KIFC3: variants seen among roughly 807,000 people sequenced by gnomAD.
The protein encoded by KIFC3 is kinesin-like protein KIFC3.
In KIFC3, 60 loss-of-function variants were observed where a neutral mutation model predicts 101.8. The observed-to-expected ratio is 0.59, with a 90% CI of 0.48 to 0.73. The LOEUF (loss-of-function observed/expected upper bound fraction) is 0.73. KIFC3 is among the 30% of genes least tolerant of loss of function. The pLI is 0.00. For synonymous variants in KIFC3, 476 were observed against 482.7 expected (o/e 0.99, Z 0.18); for missense variants, 966 against 1,137.1 (o/e 0.85, Z 2.16).
intron 1 of KIFC3, among the ~76,000 whole-genome samples, chr16:57,851,853 C>T (rs889730527): frequency 2.6e-5 from 4 of 152,176 alleles, no homozygotes; most frequent in African/African-American, 9.7e-5. Context: ...GATTCTCCTG[C>T]CTCAGCCTCC....
chr16:57,764,013 G>A (rs1471121964), intron 12 of KIFC3, 130 bp downstream of exon 12: 1 of 710,544 alleles, frequency 1.4e-6, no homozygotes, highest in Admixed American at 2.2e-5. Flanking sequence ...GATAACTACA[G>A]CCTCTGCTCC....
intron 2 of KIFC3, among the ~76,000 whole-genome samples, chr16:57,797,043 G>A (rs974318393): frequency 3.3e-5 from 5 of 152,204 alleles, no homozygotes; most frequent in African/African-American, 4.8e-5. Context: ...TGCTGCTTGG[G>A]AGCAGCCAGC....
upstream of KIFC3, chr16:57,803,332 C>T: frequency 1.5e-6 from 1 of 671,876 alleles, no homozygotes; most frequent in Non-Finnish European, 2.7e-6. Context: ...GTCTCCCAAA[C>T]AGAGGCAGCA....
At chr16:57,805,311 G>A (rs1032271016), upstream of KIFC3, among the ~76,000 whole-genome samples, 2 of 152,124 alleles carry the variant, frequency 1.3e-5, no homozygotes, top group Non-Finnish European at 2.9e-5. Context: ...AATGTACAAT[G>A]TCATCAGGAA....
At chr16:57,768,041 A>T (rs2050685284) in intron 9 of KIFC3, among the ~76,000 whole-genome samples, 1 of 151,064 alleles carries the variant, frequency 6.6e-6, no homozygotes, top group Non-Finnish European at 1.5e-5. Context: ...AATGCTGGGT[A>T]GGGGCTGGGT....
chr16:57,769,577 C>G lies in KIFC3; in HGVS notation c.1218+18G>C. The G allele has an allele frequency of 6.2e-7, 1 of 1,603,680 alleles. No individual in the cohort carries two copies. The highest frequency in any genetic ancestry group is 8.5e-7 in the Non-Finnish European group (1 of 1,176,706). On this transcript the variant is annotated intron_variant, in intron 9 of 19. Transcript: ENST00000445690. The surrounding 1 kb of genome is among the most constrained non-coding windows in gnomAD (Gnocchi z 4.3). ...CACCCCCTTAGCCTGGACCCTCCCACCCACTGCCCTCGCTCACCTCGGCCT... is the reference window on the plus strand; with the variant it reads ...CACCCCCTTAGCCTGGACCCTCCCAGCCACTGCCCTCGCTCACCTCGGCCT...
chr16:57,856,387 G>A (rs966780987), intron 1 of KIFC3, among the ~76,000 whole-genome samples: 7 of 149,718 alleles, frequency 4.7e-5, no homozygotes, highest in African/African-American at 1.7e-4. Context: ...AGGGTGAGGT[G>A]TGATGATCGC....
intron 11 of KIFC3, 28 bp from the exon 12 acceptor site, chr16:57,764,275 T>TGGGGGGTGGGG: frequency 3.7e-6 from 2 of 539,936 alleles, no homozygotes; most frequent in East Asian, 4.6e-5. Flanking sequence ...GGGAGGCTGG[T>TGGGGGGTGGGG]GGGGGGGCTT....
upstream of KIFC3, chr16:57,803,265 G>A (rs1555626210): frequency 5.7e-6 from 4 of 698,988 alleles, no homozygotes; most frequent in South Asian, 4.5e-5. Context: ...CCTGGGGGAG[G>A]CCAGGGGCCT....
At chr16:57,805,763 C>T (rs1467623951), upstream of KIFC3, among the ~76,000 whole-genome samples, 3 of 151,048 alleles carry the variant, frequency 2.0e-5, no homozygotes, top group East Asian at 1.9e-4. Flanking sequence ...GAAATCTCTG[C>T]CTCCTGGGTT....
upstream of KIFC3, among the ~76,000 whole-genome samples, chr16:57,804,916 TTTTTTTGAGACGGGGGC>T (rs1335980107): frequency 6.6e-6 from 1 of 151,784 alleles, no homozygotes; most frequent in Non-Finnish European, 1.5e-5. Flanking sequence ...TTTTTTTTTT[TTTTTTTGAGACGGGGGC>T]TCGCTCTGTC....
At chr16:57,816,078 C>T in intron 1 of KIFC3, 1 of 660,650 alleles carries the variant, frequency 1.5e-6, no homozygotes, top group South Asian at 1.9e-5. Context: ...CATCCACGTA[C>T]CCACAGGAAG....
chr16:57,774,818 C>T (rs187270570), intron 3 of KIFC3: 16 of 1,233,620 alleles, frequency 1.3e-5, no homozygotes, highest in Middle Eastern at 4.0e-4. Flanking sequence ...TGAGCCCCTG[C>T]GCCCGGCCAG....
chr16:57,795,317 C>G (rs2054200842), intron 2 of KIFC3, among the ~76,000 whole-genome samples, 176 bp from the exon 3 acceptor site: 1 of 152,246 alleles, frequency 6.6e-6, no homozygotes, highest in Non-Finnish European at 1.5e-5. Context: ...GAGGGGAAGG[C>G]CTGGCTCGGG....
At chr16:57,860,523 T>A (rs1397722499) in intron 1 of KIFC3, among the ~76,000 whole-genome samples, 13 of 152,172 alleles carry the variant, frequency 8.5e-5, no homozygotes, top group African/African-American at 2.9e-4. Context: ...GTTCATTCAT[T>A]ACCATTGCTG....
At chr16:57,839,543 A>C (rs1393045851) in intron 1 of KIFC3, among the ~76,000 whole-genome samples, 1 of 152,256 alleles carries the variant, frequency 6.6e-6, no homozygotes, top group African/African-American at 2.4e-5. Flanking sequence ...ATGTCTCAAT[A>C]ATGATAATAA....
chr16:57,828,250 C>G (rs549553198), intron 1 of KIFC3, among the ~76,000 whole-genome samples: 1 of 152,314 alleles, frequency 6.6e-6, no homozygotes, highest in South Asian at 2.1e-4. Flanking sequence ...TTGCAAATGC[C>G]CTGTGAGGTA....
intron 1 of KIFC3, among the ~76,000 whole-genome samples, chr16:57,833,920 T>G (rs1292054268): frequency 1.4e-5 from 2 of 139,796 alleles, no homozygotes; most frequent in African/African-American, 5.5e-5. Flanking sequence ...CAGGCTGGAG[T>G]GCAATGGCAT....
intron 19 of KIFC3, 77 bp downstream of exon 19, chr16:57,759,040 TGAACAGCA>T: frequency 6.5e-7 from 1 of 1,544,710 alleles, no homozygotes; most frequent in Non-Finnish European, 8.8e-7. Context: ...GACCCAGCTC[TGAACAGCA>T]GAACGTCCCA....
Sources: gnomAD v4.1 joint callset for allele counts (sites outside exome capture counted in the v4.1 genomes callset) on GRCh38, gnomAD v4.1.1 for gene constraint, Gnocchi (gnomAD v3.1) non-coding constraint, MANE v1.5 for transcripts, NCBI Gene and HGNC (gene_info 2026-07-23, HGNC 2026-07-21) for gene names.